FAF1: variants seen among roughly 807,000 people sequenced by gnomAD.
FAF1 encodes Fas associated factor 1.
FAF1 carries 25 observed loss-of-function variants against 92.5 expected under a neutral mutation model. The ratio of observed to expected loss-of-function variants is 0.27; its 90% CI spans 0.20 to 0.38. The LOEUF (loss-of-function observed/expected upper bound fraction) is 0.38, where lower values mean the gene tolerates loss of function less well. FAF1 is among the 10% of genes least tolerant of loss of function. FAF1 has a pLI of 1.00. For missense variants in FAF1, 636 were observed against 793.3 expected (o/e 0.80, Z 2.38); for synonymous variants, 234 against 273.2 (o/e 0.86, Z 1.42).
intron 13 of FAF1, among the ~76,000 whole-genome samples, chr1:50,543,761 T>A (rs1034875402): frequency 6.6e-6 from 1 of 152,120 alleles, no homozygotes; most frequent in Non-Finnish European, 1.5e-5. Flanking sequence ...TCACTGTTTT[T>A]TTTTTTCCAT....
intron 6 of FAF1, among the ~76,000 whole-genome samples, chr1:50,714,069 C>A (rs1658069902): frequency 6.6e-6 from 1 of 151,844 alleles, no homozygotes; most frequent in South Asian, 2.1e-4. Flanking sequence ...CCGCACCTGG[C>A]CTGATATACA....
intron 1 of FAF1, among the ~76,000 whole-genome samples, chr1:50,926,519 G>C (rs993294762): frequency 1.3e-5 from 2 of 151,958 alleles, no homozygotes; most frequent in South Asian, 4.2e-4. Context: ...CAGCGCTGTG[G>C]GGTGACATGG....
rs1255071837 is a variant in FAF1, at chr1:50,891,360, T to G, written c.46-33363A>C. ...TTCTGAAGCCTTCTTCTCTCAACTC[T>G]TCAAAGTCATTCTCCATCCAGCTTT... On this transcript the variant is annotated intron_variant, in intron 1 of 18. Transcript: ENST00000396153. Among the ~76,000 whole-genome samples, 4 of 152,202 alleles carry G rather than the reference T, an allele frequency of 2.6e-5. No individual in the cohort carries two copies. In the South Asian group the frequency reaches 8.3e-4, roughly 31 times the overall value.
intron 18 of FAF1, chr1:50,469,437 G>C (rs1384660440): frequency 6.6e-6 from 1 of 152,180 alleles, no homozygotes; most frequent in East Asian, 1.9e-4. Context: ...GTTTCTTTCA[G>C]TCAAGCAGTT....
intron 15 of FAF1, among the ~76,000 whole-genome samples, chr1:50,531,503 T>C (rs1648169396): frequency 6.6e-6 from 1 of 152,160 alleles, no homozygotes; most frequent in Admixed American, 6.6e-5. Flanking sequence ...AAATAGATTC[T>C]AAAATGTCGC....
intron 1 of FAF1, among the ~76,000 whole-genome samples, chr1:50,941,912 T>C (rs6698809): frequency 0.31 from 46,611 of 152,130 alleles, 7,447 homozygotes; most frequent in Middle Eastern, 0.5. Context: ...TTTAAAACCA[T>C]GTATTTCTTT....
At chr1:50,680,404 C>A (rs961933207) in intron 7 of FAF1, among the ~76,000 whole-genome samples, 8 of 152,128 alleles carry the variant, frequency 5.3e-5, no homozygotes, top group Admixed American at 1.3e-4. Flanking sequence ...AAATCCATCA[C>A]AGGGCCAGTG....
intron 4 of FAF1, among the ~76,000 whole-genome samples, chr1:50,783,121 A>T (rs1389569662): frequency 6.6e-6 from 1 of 152,206 alleles, no homozygotes; most frequent in East Asian, 1.9e-4. Context: ...GAAGAAATGG[A>T]TAAATTCCTA....
chr1:50,728,928 G>A (rs1658779751), intron 6 of FAF1, among the ~76,000 whole-genome samples: 1 of 150,014 alleles, frequency 6.7e-6, no homozygotes, highest in South Asian at 2.1e-4. Flanking sequence ...GGAAGATGCT[G>A]TTTGAAGATA....
intron 4 of FAF1, among the ~76,000 whole-genome samples, chr1:50,774,895 G>A (rs1319187454): frequency 1.3e-5 from 2 of 151,972 alleles, no homozygotes; most frequent in Non-Finnish European, 2.9e-5. Context: ...AAGGTTTTGG[G>A]TATTGAAATG....
At position 50,960,194 on chromosome 1, in the gene FAF1, G is replaced by C. The variant is rs1215306869; in HGVS notation, c.-383C>G. The C allele has an allele frequency of 5.7e-5, 18 of 317,544 alleles. No individual in the cohort carries two copies. The highest frequency in any genetic ancestry group is 9.8e-5 in the Non-Finnish European group (17 of 172,712). 19.7% of individuals were successfully genotyped at this position (317,544 alleles called of 1,614,324 possible). A position where few individuals can be genotyped will look rare whatever the true frequency, so the allele number is the denominator to read the frequency against. On this transcript the variant is annotated 5_prime_UTR_variant, in exon 1 of 19. Transcript: ENST00000396153. Reference sequence around the variant, plus strand: ...GCGGGGGCGGGGAAACCGAGCGAGCGAGCGGGCGGGCGAACGCCGCGGCCG... The same window carrying C: ...GCGGGGGCGGGGAAACCGAGCGAGCCAGCGGGCGGGCGAACGCCGCGGCCG...
intron 1 of FAF1, among the ~76,000 whole-genome samples, chr1:50,895,098 G>C (rs910488823): frequency 4.0e-5 from 6 of 151,772 alleles, no homozygotes. Context: ...CTAAAAGCTG[G>C]TTTTTAGAAA....
intron 15 of FAF1, 113 bp downstream of exon 15, chr1:50,535,256 C>A (rs1271986177): frequency 1.5e-6 from 1 of 688,342 alleles, no homozygotes; most frequent in East Asian, 2.7e-5. Flanking sequence ...TTTGGAAATG[C>A]ATCTTCATCA....
At chr1:50,608,277 A>G (rs1652520293) in intron 8 of FAF1, among the ~76,000 whole-genome samples, 1 of 152,190 alleles carries the variant, frequency 6.6e-6, no homozygotes, top group Admixed American at 6.5e-5. Context: ...TCTTATGGAA[A>G]GCTGCTTTTG....
At chr1:50,519,373 AGGG>A (rs1226693189) in intron 15 of FAF1, among the ~76,000 whole-genome samples, 117 of 39,014 alleles carry the variant, frequency 3.0e-3, no homozygotes, top group Middle Eastern at 0.025. Context: ...GGAAGGAAGG[AGGG>A]AGGGAGGGAG....
intron 18 of FAF1, among the ~76,000 whole-genome samples, chr1:50,468,614 C>A (rs1012543912): frequency 6.6e-6 from 1 of 152,070 alleles, no homozygotes; most frequent in South Asian, 2.1e-4. Flanking sequence ...CGCCTGCCAC[C>A]GCGCCTGGCT....
At chr1:50,825,363 A>G (rs1158667532) in intron 2 of FAF1, among the ~76,000 whole-genome samples, 4 of 152,076 alleles carry the variant, frequency 2.6e-5, no homozygotes, top group Admixed American at 2.0e-4. Flanking sequence ...AATACTAACA[A>G]AAGTTTTGTA....
chr1:50,591,682 A>G (rs1050674004), intron 9 of FAF1, among the ~76,000 whole-genome samples: 3 of 151,816 alleles, frequency 2.0e-5, no homozygotes, highest in Non-Finnish European at 4.4e-5. Flanking sequence ...CAGAAAAAAA[A>G]AAAAAAAAAA....
intron 5 of FAF1, among the ~76,000 whole-genome samples, chr1:50,739,883 T>C (rs1476680067): frequency 6.6e-6 from 1 of 152,186 alleles, no homozygotes; most frequent in Non-Finnish European, 1.5e-5. Context: ...ATTCACCAAA[T>C]TTCTTTGCCA....
Sources: gnomAD v4.1 joint callset for allele counts (sites outside exome capture counted in the v4.1 genomes callset) on GRCh38, gnomAD v4.1.1 for gene constraint, MANE v1.5 for transcripts, NCBI Gene and HGNC (gene_info 2026-07-23, HGNC 2026-07-21) for gene names.